RNF213: variants seen among roughly 807,000 people sequenced by gnomAD.
The protein encoded by RNF213 is ring finger protein 213.
Under a neutral mutation model 514.4 loss-of-function variants are expected in RNF213, and 341 were observed. The observed-to-expected ratio is 0.66, with a 90% CI of 0.61 to 0.73. The LOEUF (loss-of-function observed/expected upper bound fraction) is 0.73, where lower values mean the gene tolerates loss of function less well. Ranked by LOEUF, RNF213 falls within the 30% of genes least tolerant of loss-of-function variation. The pLI is 0.00. For synonymous variants in RNF213, 2,655 were observed against 2,658.2 expected (o/e 1.00, Z 0.04); for missense variants, 5,767 against 6,615.6 (o/e 0.87, Z 4.45).
intron 61 of RNF213, 102 bp from the exon 62 acceptor site, chr17:80,386,148 C>G: frequency 1.7e-6 from 2 of 1,151,138 alleles, no homozygotes; most frequent in Non-Finnish European, 2.6e-6. Context: ...CGGCTCCCGG[C>G]TGTGTGTGGA....
rs1037055051 is a variant in RNF213 at position 80,343,001 on chromosome 17, T to A, written c.5990-131T>A. The A allele has an allele frequency of 9.5e-6, 7 of 735,376 alleles. No individual in the cohort carries two copies. Among genetic ancestry groups the A allele is most frequent in the African/African-American group, 8.8e-5 (5 of 56,898 alleles). 45.6% of individuals were successfully genotyped at this position (735,376 alleles called of 1,614,324 possible). A position where few individuals can be genotyped will look rare whatever the true frequency, so the allele number is the denominator to read the frequency against. ...TTTTGTATTTTTAGTAGGGACGGGA[T>A]TTCACCACGTTGACCAGGCTGGCTT... On this transcript the variant is annotated intron_variant, in intron 26 of 67. Coordinates refer to ENST00000582970, the MANE Select transcript of RNF213 (RefSeq NM_001256071.3). This position sits in a 1 kb window ranked among gnomAD's most constrained non-coding sequence, Gnocchi z 4.3.
chr17:80,332,542 G>T lies in RNF213; in HGVS notation c.4054G>T (p.Ala1352Ser), dbSNP rs1381564124. Residue 1352 changes from alanine (A) to serine (S), a missense_variant, in exon 21 of 68, where the codon GCT (alanine) becomes TCT (serine). Around this residue, in one of 13 missense-constraint regions of RNF213, gnomAD observed 516 missense variants for 566.5 expected, o/e 0.91. Coordinates refer to ENST00000582970, the MANE Select transcript of RNF213 (RefSeq NM_001256071.3). ...QIKEYHHLHQAVHAAKVILQV... is the reference protein window; with the variant it reads ...QIKEYHHLHQSVHAAKVILQV... ...CAAGGAATACCATCACCTGCACCAG[G>T]CTGTCCACGCAGCCAAGGTCATCTT... is the stretch of plus-strand genomic sequence containing the variant. The T allele has an allele frequency of 2.6e-6, 4 of 1,536,336 alleles. No homozygotes were observed. In the Admixed American group the frequency reaches 7.8e-5, roughly 30 times the overall value.
chr17:80,331,900 C>A, intron 20 of RNF213, 106 bp from the exon 21 acceptor site: 1 of 1,337,588 alleles, frequency 7.5e-7, no homozygotes, highest in Non-Finnish European at 1.0e-6. Context: ...GCTGTGTGCT[C>A]TTGAGTTCGC....
chr17:80,324,459 G>A (rs2046227448), intron 17 of RNF213, among the ~76,000 whole-genome samples: 1 of 152,108 alleles, frequency 6.6e-6, no homozygotes, highest in Non-Finnish European at 1.5e-5. Context: ...CCTTTAACAT[G>A]GGGCTGGATA....
rs1414948578 is a variant in RNF213 at position 80,334,180 on chromosome 17, C to T, written c.4219C>T (p.Leu1407Phe). 8 of 1,537,120 alleles carry T rather than the reference C, an allele frequency of 5.2e-6. No homozygotes were observed. Among genetic ancestry groups the T allele is most frequent in the Non-Finnish European group, 7.0e-6 (8 of 1,146,910 alleles). ...NQELIQAKKL[L>F]QDISEARCKG... ...GGAGCTCATCCAGGCCAAAAAGCTG[C>T]TCCAGGACATCAGCGAGGCCCGGTG... Residue 1407 changes from leucine (L) to phenylalanine (F), a missense_variant, in exon 22 of 68, where the codon CTC becomes TTC. This residue lies in a region of RNF213 where 516 missense variants were observed against 566.5 expected (regional missense o/e 0.91). Transcript: ENST00000582970.
At chr17:80,355,616 A>AAT (rs2078756515) in intron 36 of RNF213, among the ~76,000 whole-genome samples, 1 of 28,168 alleles carries the variant, frequency 3.6e-5, no homozygotes, top group Non-Finnish European at 6.5e-5. Context: ...AAGCGGGGTG[A>AAT]GTGGGAATGG....
At position 80,339,301 on chromosome 17, in the gene RNF213, C is replaced by A. The variant is rs2078080519; in HGVS notation, c.4934C>A (p.Pro1645His). ...TGGATCGCCATGGCCTACTGCTCCC[C>A]CAAGCAGGGTGTGTCCCTCCAAATG... ...RTWIAMAYCS[P>H]KQGVSLQMDF... is the part of the protein sequence containing the mutation. The change falls in exon 26 of 68, where the codon CCC (proline) becomes CAC (histidine). Residue 1645 changes from proline to histidine, a missense_variant. Around this residue, in one of 13 missense-constraint regions of RNF213, gnomAD observed 1,377 missense variants for 1,635.2 expected, o/e 0.84. Coordinates refer to ENST00000582970, the MANE Select transcript of RNF213 (RefSeq NM_001256071.3). 1 of 1,536,778 alleles carries A rather than the reference C, an allele frequency of 6.5e-7. No individual in the cohort carries two copies. The highest frequency in any genetic ancestry group is 8.7e-7 in the Non-Finnish European group (1 of 1,146,614).
chr17:80,315,748 G>GTAA, intron 15 of RNF213: 1 of 61,896 alleles, frequency 1.6e-5, no homozygotes, highest in Non-Finnish European at 3.3e-5. Flanking sequence ...GGTGGTGGTG[G>GTAA]TGGAGGTGAC....
intron 3 of RNF213, among the ~76,000 whole-genome samples, chr17:80,281,364 C>T (rs954855786): frequency 2.3e-5 from 3 of 131,258 alleles, no homozygotes; most frequent in Admixed American, 7.6e-5. Flanking sequence ...CTCACACACA[C>T]CTCAACACAC....
At chr17:80,296,923 C>T (rs2044972752) in intron 10 of RNF213, among the ~76,000 whole-genome samples, 1 of 151,710 alleles carries the variant, frequency 6.6e-6, no homozygotes, top group African/African-American at 2.4e-5. Context: ...TTGTGATCCG[C>T]CTGCCTCGAC....
rs756811985 is a variant in RNF213, at chr17:80,319,405, C to T, written c.3024+93C>T. On this transcript the variant is annotated intron_variant, in intron 17 of 67. Transcript: ENST00000582970. ...GGGCTATGAAGCACCCGCTGGGTCT[C>T]AGCTCCTCCGCTAACTCAGAGATTG... The T allele has an allele frequency of 1.6e-5, 26 of 1,614,226 alleles. 1 individual carries two copies. The South Asian group carries it at 2.4e-4, about 15-fold the overall frequency.
At chr17:80,274,472 G>A (rs2043943337) in intron 3 of RNF213, among the ~76,000 whole-genome samples, 1 of 146,470 alleles carries the variant, frequency 6.8e-6, no homozygotes, top group Non-Finnish European at 1.5e-5. Context: ...CGGAGAAGGG[G>A]AAGCTGTCTT....
At chr17:80,335,633 G>A (rs1379743662) in intron 22 of RNF213, among the ~76,000 whole-genome samples, 2 of 152,186 alleles carry the variant, frequency 1.3e-5, no homozygotes, top group African/African-American at 2.4e-5. Flanking sequence ...TACAGTGCCT[G>A]GGACATTGAA....
chr17:80,339,411 C>G lies in RNF213; in HGVS notation c.5044C>G (p.His1682Asp). 6.5e-7 allele frequency: 1 copy of G among 1,537,272 alleles called. No homozygotes were observed. The highest frequency in any genetic ancestry group is 8.7e-7 in the Non-Finnish European group (1 of 1,146,906). The change falls in exon 26 of 68, where the codon CAC becomes GAC. Residue 1682 changes from histidine (H) to aspartate (D), a missense_variant. His to Asp is a moderately conservative substitution (Grantham distance 81). This residue lies in a region of RNF213 where 1,377 missense variants were observed against 1,635.2 expected (regional missense o/e 0.84). Coordinates refer to ENST00000582970, the MANE Select transcript of RNF213 (RefSeq NM_001256071.3). The stretch of plus-strand genomic sequence containing the variant: ...GGCAGCCCTCTGCAGGCAGATGGAG[C>G]ACTTCCTTGACAGCTGGAAGAGATT... ...LLAALCRQMEHFLDSWKRFVT... is the reference protein window; with the variant it reads ...LLAALCRQMEDFLDSWKRFVT...
In RNF213 at chr17:80,345,620, C is replaced by G. The variant is rs779671029; in HGVS notation, c.7285C>G (p.Leu2429Val). ...MGETGCGKTR[L>V]IKFLSDLRRG... ...AGAAACTGGCTGTGGGAAAACCAGG[C>G]TTATTAAATTCCTTAGCGACCTGCG... is the stretch of plus-strand genomic sequence containing the variant. The change falls in exon 29 of 68, where the codon CTT becomes GTT. Residue 2429 changes from leucine to valine, a missense_variant. By Grantham distance (32) the Leu-to-Val change is conservative (BLOSUM62 1). Coordinates refer to ENST00000582970, the MANE Select transcript of RNF213 (RefSeq NM_001256071.3). The surrounding 1 kb of genome is among the most constrained non-coding windows in gnomAD (Gnocchi z 6.0). 2 of 1,613,984 alleles carry G rather than the reference C, an allele frequency of 1.2e-6. No homozygotes were observed. Among genetic ancestry groups the G allele is most frequent in the Admixed American group, 3.3e-5 (2 of 59,986 alleles).
intron 8 of RNF213, 23 bp from the exon 9 acceptor site, chr17:80,294,697 C>G (rs9890495): frequency 0.19 from 306,543 of 1,612,126 alleles, 30,417 homozygotes; most frequent in African/African-American, 0.25. Flanking sequence ...TAGGTAGGCT[C>G]TTGTTCCTTC....
At position 80,339,318 on chromosome 17, in the gene RNF213, C is replaced by G; in HGVS notation, c.4951C>G (p.Leu1651Val). The change falls in exon 26 of 68, where the codon CTC (leucine) becomes GTC (valine). Residue 1651 changes from leucine to valine, a missense_variant. Physicochemically the swap from Leu to Val is conservative, Grantham distance 32. Around this residue, in one of 13 missense-constraint regions of RNF213, gnomAD observed 1,377 missense variants for 1,635.2 expected, o/e 0.84. Transcript: ENST00000582970. ...CTGCTCCCCCAAGCAGGGTGTGTCC[C>G]TCCAAATGGACTTTGGCTTGGACCT... ...AYCSPKQGVS[L>V]QMDFGLDLVT... The G allele has an allele frequency of 6.5e-7, 1 of 1,537,232 alleles. No individual in the cohort carries two copies. The highest frequency in any genetic ancestry group is 8.7e-7 in the Non-Finnish European group (1 of 1,146,870).
intron 61 of RNF213, among the ~76,000 whole-genome samples, chr17:80,385,835 C>G (rs1002440724): frequency 3.9e-5 from 6 of 152,190 alleles, no homozygotes; most frequent in African/African-American, 1.4e-4. Flanking sequence ...AATTCTCCTG[C>G]CTCAGCCCCT....
Position 80,278,880 on chromosome 17 carries a change from C to T in RNF213, c.261+5476C>T, listed in dbSNP as rs551448152. 84 of 1,537,190 alleles carry T rather than the reference C, an allele frequency of 5.5e-5. No individual in the cohort carries two copies. The East Asian group carries it at 1.3e-3, about 24-fold the overall frequency. ...AGCAGGATGCAGCCCCGCTTGAGGC[C>T]GCCAGCGTGCCTTCTGCAGACTGTG... On this transcript the variant is annotated intron_variant, in intron 3 of 67. Transcript: ENST00000582970.
Sources: allele counts gnomAD v4.1 joint callset (sites outside exome capture counted in the v4.1 genomes callset), GRCh38; gene constraint gnomAD v4.1.1; regional missense constraint gnomAD v4.1.1; non-coding constraint Gnocchi (gnomAD v3.1); transcripts MANE v1.5; gene names NCBI Gene and HGNC (gene_info 2026-07-23, HGNC 2026-07-21).